NIPAL2: variants seen among roughly 807,000 people sequenced by gnomAD.
NIPAL2 encodes NIPA-like protein 2.
In NIPAL2, 43 loss-of-function variants were observed where a neutral mutation model predicts 48.9. The observed-to-expected ratio is 0.88, with a 90% confidence interval of 0.69 to 1.13. The LOEUF (loss-of-function observed/expected upper bound fraction) is 1.13, where lower values mean the gene tolerates loss of function less well. NIPAL2 is among the 50% of genes most tolerant of loss of function. The probability of loss-of-function intolerance (pLI) is 0.00; values close to 1 mark genes in which losing one functional copy is unlikely to be tolerated. For missense variants in NIPAL2, 446 were observed against 461.4 expected (o/e 0.97, Z 0.31); for synonymous variants, 167 against 174.6 (o/e 0.96, Z 0.34).
chr8:98,249,878 G>A (rs1227621674), intron 3 of NIPAL2, among the ~76,000 whole-genome samples: 1 of 151,408 alleles, frequency 6.6e-6, no homozygotes, highest in Non-Finnish European at 1.5e-5. Context: ...TTGATTATGT[G>A]AGACAAAATA....
chr8:98,192,748 G>C lies in NIPAL2; in HGVS notation c.*230C>G, dbSNP rs1810355127. 1.9e-6 allele frequency: 1 copy of C among 539,662 alleles called. No homozygotes were observed. The highest frequency in any genetic ancestry group is 1.9e-5 in the African/African-American group (1 of 53,134). 33.4% of individuals were successfully genotyped at this position (539,662 alleles called of 1,614,324 possible). ...GGTGTAGCTGGCTAGATAATCACTA[G>C]GGAGAGGTCCAGGGTGTGGGGAACA... is the stretch of plus-strand genomic sequence containing the variant. On this transcript the variant is annotated 3_prime_UTR_variant, in exon 11 of 11. Coordinates refer to ENST00000430223, the MANE Select transcript of NIPAL2 (RefSeq NM_001321635.2).
chr8:98,284,385 G>A (rs1333930873), intron 1 of NIPAL2, among the ~76,000 whole-genome samples: 1 of 149,830 alleles, frequency 6.7e-6, no homozygotes, highest in African/African-American at 2.5e-5. Context: ...TGTTTTTCAA[G>A]TATTTCTAAG....
intron 8 of NIPAL2, among the ~76,000 whole-genome samples, chr8:98,197,551 C>A (rs1349114465): frequency 6.6e-6 from 1 of 152,182 alleles, no homozygotes; most frequent in Admixed American, 6.5e-5. Flanking sequence ...TACTGTTTGA[C>A]AGCATTTGAC....
At chr8:98,226,019 A>G (rs930608407) in intron 4 of NIPAL2, among the ~76,000 whole-genome samples, 3 of 151,858 alleles carry the variant, frequency 2.0e-5, no homozygotes, top group Middle Eastern at 3.4e-3. Context: ...ATTCTTTGGT[A>G]TGTCCGTTGC....
At chr8:98,262,162 C>T (rs1485297219) in intron 1 of NIPAL2, among the ~76,000 whole-genome samples, 23 of 148,502 alleles carry the variant, frequency 1.5e-4, no homozygotes, top group African/African-American at 3.9e-4. Flanking sequence ...CGGTACCAGC[C>T]GCTGCAAAAT....
At chr8:98,226,795 G>A (rs1222922792) in intron 4 of NIPAL2, among the ~76,000 whole-genome samples, 1 of 152,180 alleles carries the variant, frequency 6.6e-6, no homozygotes, top group African/African-American at 2.4e-5. Flanking sequence ...CAAGGCCCTA[G>A]GGCTCTATAA....
At chr8:98,248,941 C>G (rs1317857535) in intron 3 of NIPAL2, among the ~76,000 whole-genome samples, 1 of 152,144 alleles carries the variant, frequency 6.6e-6, no homozygotes, top group Non-Finnish European at 1.5e-5. Context: ...CCCATTGTGC[C>G]GTCTTCACAG....
intron 1 of NIPAL2, among the ~76,000 whole-genome samples, chr8:98,286,145 T>G (rs1563559006): frequency 6.6e-6 from 1 of 152,196 alleles, no homozygotes; most frequent in Non-Finnish European, 1.5e-5. Context: ...CCTTCCCTCA[T>G]GTTATGACAC....
intron 5 of NIPAL2, among the ~76,000 whole-genome samples, chr8:98,213,975 G>T (rs776311122): frequency 6.6e-6 from 1 of 151,980 alleles, no homozygotes; most frequent in Admixed American, 6.6e-5. Context: ...GCATACAGTC[G>T]GTCACTCAAT....
intron 1 of NIPAL2, among the ~76,000 whole-genome samples, chr8:98,265,862 G>C (rs1301162004): frequency 1.3e-5 from 2 of 151,282 alleles, no homozygotes; most frequent in Non-Finnish European, 2.9e-5. Context: ...ATTCACGATA[G>C]CAAAGACTTG....
intron 1 of NIPAL2, among the ~76,000 whole-genome samples, chr8:98,270,224 T>C (rs1025258890): frequency 2.0e-5 from 3 of 152,198 alleles, no homozygotes; most frequent in African/African-American, 7.2e-5. Flanking sequence ...CTGGGTGAAA[T>C]GGTAGTTCTA....
intron 4 of NIPAL2, chr8:98,231,938 A>G (rs1277549550): frequency 6.6e-6 from 1 of 152,230 alleles, no homozygotes; most frequent in Non-Finnish European, 1.5e-5. Context: ...TAATCTTTAA[A>G]AAACACCACT....
chr8:98,285,618 A>G (rs1211581963), intron 1 of NIPAL2, among the ~76,000 whole-genome samples: 1 of 152,154 alleles, frequency 6.6e-6, no homozygotes, highest in Non-Finnish European at 1.5e-5. Context: ...CCATATTTTT[A>G]AAGCCCCCCT....
intron 4 of NIPAL2, among the ~76,000 whole-genome samples, chr8:98,227,379 A>G (rs1457412967): frequency 6.6e-6 from 1 of 152,138 alleles, no homozygotes; most frequent in African/African-American, 2.4e-5. Flanking sequence ...TGAAGCTAAT[A>G]CATCTCTGAG....
At chr8:98,229,915 A>G (rs1812356304) in intron 4 of NIPAL2, among the ~76,000 whole-genome samples, 1 of 152,218 alleles carries the variant, frequency 6.6e-6, no homozygotes. Flanking sequence ...GTTACAACTT[A>G]TACTACACAT....
At chr8:98,267,904 A>T (rs1175989993) in intron 1 of NIPAL2, among the ~76,000 whole-genome samples, 2 of 152,186 alleles carry the variant, frequency 1.3e-5, no homozygotes, top group Admixed American at 6.5e-5. Flanking sequence ...AGCCATATAC[A>T]CATTCCCCAC....
intron 5 of NIPAL2, chr8:98,217,159 G>T (rs1256664595): frequency 4.1e-6 from 4 of 985,314 alleles, no homozygotes; most frequent in Non-Finnish European, 4.8e-6. Flanking sequence ...TTCTCTGGCT[G>T]GTATACACTG....
intron 4 of NIPAL2, among the ~76,000 whole-genome samples, chr8:98,227,351 A>C (rs536505429): frequency 6.6e-6 from 1 of 152,134 alleles, no homozygotes; most frequent in Non-Finnish European, 1.5e-5. Context: ...CACAGCTGTG[A>C]ATATGCTGGG....
chr8:98,240,659 G>A (rs1325101743), intron 3 of NIPAL2, among the ~76,000 whole-genome samples: 1 of 152,114 alleles, frequency 6.6e-6, no homozygotes, highest in Non-Finnish European at 1.5e-5. Flanking sequence ...TTATTCTTAA[G>A]GAAATGCTCT....
Sources: allele counts gnomAD v4.1 joint callset (sites outside exome capture counted in the v4.1 genomes callset), GRCh38; gene constraint gnomAD v4.1.1; transcripts MANE v1.5; gene names NCBI Gene and HGNC (gene_info 2026-07-23, HGNC 2026-07-21).